Variants in FRMD8 observed in about 807,000 individuals in gnomAD.
The protein encoded by FRMD8 is FERM domain-containing protein 8.
Under a neutral mutation model 54.2 loss-of-function variants are expected in FRMD8, and 37 were observed. That is an observed-to-expected ratio of 0.68 (90% CI 0.53 to 0.90). FRMD8 has a LOEUF of 0.90. Among genes scored for constraint, FRMD8 ranks in the 40% least tolerant of loss-of-function variants. The pLI is 0.00. For synonymous variants in FRMD8, 246 were observed against 286.9 expected (o/e 0.86, Z 1.44); for missense variants, 585 against 653.7 (o/e 0.89, Z 1.15).
At chr11:65,389,975 C>T (rs1036049958) in intron 3 of FRMD8, among the ~76,000 whole-genome samples, 4 of 152,244 alleles carry the variant, frequency 2.6e-5, no homozygotes, top group African/African-American at 9.6e-5. Flanking sequence ...AGGAGCAAGA[C>T]AGACCCAGGC....
rs1016788169 is a variant in FRMD8, at chr11:65,412,726, C to T, written c.*1366C>T. 1 of 152,252 alleles carries T rather than the reference C, an allele frequency of 6.6e-6. No homozygotes were observed. Among genetic ancestry groups the T allele is most frequent in the Non-Finnish European group, 1.5e-5 (1 of 68,042 alleles). The allele number at this position is 152,252 out of a possible 1,614,324, so 9.4% of individuals were successfully genotyped here. On this transcript the variant is annotated 3_prime_UTR_variant, in exon 11 of 11. Transcript: ENST00000317568. ...CCAAGTATCAGAGCCTGTTCACCCTCCTCCCTTTGGTAGCTTGTGAATGTG... is the reference window on the plus strand; with the variant it reads ...CCAAGTATCAGAGCCTGTTCACCCTTCTCCCTTTGGTAGCTTGTGAATGTG...
chr11:65,396,943 C>A lies in FRMD8; in HGVS notation c.726C>A (p.Ser242Arg). Residue 242 changes from serine (S) to arginine (R), a missense_variant, in exon 7 of 11, where the codon AGC becomes AGA. By Grantham distance (110) the Ser-to-Arg change is moderately radical (BLOSUM62 -1). Transcript: ENST00000317568. ...NAYRQVQEVS[S>R]DGGCEAALGT... ...ACCGCCAGGTGCAGGAGGTCAGCAG[C>A]GACGGCGGGTGCGAGGCCGCCCTGG... 6.5e-7 allele frequency: 1 copy of A among 1,531,926 alleles called. No individual in the cohort carries two copies. Among genetic ancestry groups the A allele is most frequent in the East Asian group, 2.5e-5 (1 of 39,402 alleles). 94.9% of individuals were successfully genotyped at this position (1,531,926 alleles called of 1,614,324 possible). A position where few individuals can be genotyped will look rare whatever the true frequency, so the allele number is the denominator to read the frequency against.
At position 65,413,196 on chromosome 11, in the gene FRMD8, T is replaced by A. The variant is rs1412204012; in HGVS notation, c.*1836T>A. The A allele has an allele frequency of 1.3e-5, 2 of 151,628 alleles. No individual in the cohort carries two copies. Among genetic ancestry groups the A allele is most frequent in the African/African-American group, 4.9e-5 (2 of 41,172 alleles). The allele number at this position is 151,628 out of a possible 1,614,324, so 9.4% of individuals were successfully genotyped here. ...TAGAGATAGGGTTTCACCATGTTGGTCAGGCTGGTCGTGAACTCCTGACCT... is the reference window on the plus strand; with the variant it reads ...TAGAGATAGGGTTTCACCATGTTGGACAGGCTGGTCGTGAACTCCTGACCT... On this transcript the variant is annotated 3_prime_UTR_variant, in exon 11 of 11. Coordinates refer to ENST00000317568, the MANE Select transcript of FRMD8 (RefSeq NM_031904.5).
the FRMD8 span, among the ~76,000 whole-genome samples, chr11:65,374,372 A>G: frequency 8.2e-6 from 1 of 122,266 alleles, no homozygotes; most frequent in Admixed American, 8.2e-5. Context: ...GTAACTGGAC[A>G]CTGCGGCTGG....
Position 65,400,045 on chromosome 11 carries a change from T to C in FRMD8, c.927+186T>C, listed in dbSNP as rs1856039336. 3.0e-6 allele frequency: 2 copies of C among 672,224 alleles called. No individual in the cohort carries two copies. The highest frequency in any genetic ancestry group is 4.7e-6 in the Non-Finnish European group (2 of 422,286). 41.6% of individuals were successfully genotyped at this position (672,224 alleles called of 1,614,324 possible). ...TCCTGGGTCCTCTTGCCCAACATGC[T>C]AGGCTGTGGGGTGGCCGGGGCAGGG... On this transcript the variant is annotated intron_variant, in intron 8 of 10. Coordinates refer to ENST00000317568, the MANE Select transcript of FRMD8 (RefSeq NM_031904.5). This position sits in a 1 kb window ranked among gnomAD's most constrained non-coding sequence, Gnocchi z 4.3.
At position 65,400,875 on chromosome 11, in the gene FRMD8, G is replaced by A. The variant is rs763888120; in HGVS notation, c.1071+8G>A. 1.4e-5 allele frequency: 22 copies of A among 1,594,404 alleles called. No homozygotes were observed. The highest frequency in any genetic ancestry group is 5.4e-5 in the African/African-American group (4 of 74,460). On this transcript the variant is annotated splice_region_variant and intron_variant, in intron 9 of 10. Coordinates refer to ENST00000317568, the MANE Select transcript of FRMD8 (RefSeq NM_031904.5). This position sits in a 1 kb window ranked among gnomAD's most constrained non-coding sequence, Gnocchi z 4.3. ...AAGATCTACTCCAAGCAGGTAGCGC[G>A]GGTGGTGCCTGCACACGGGTGGGGA...
Position 65,412,654 on chromosome 11 carries a change from T to C in FRMD8, c.*1294T>C, listed in dbSNP as rs1856361759. The stretch of plus-strand genomic sequence containing the variant: ...TGGCTGCACAGGGCTTGGCTTTGTC[T>C]TCGTTCCCGGTGGAAAACCGTGGGA... On this transcript the variant is annotated 3_prime_UTR_variant, in exon 11 of 11. Transcript: ENST00000317568. The C allele has an allele frequency of 6.6e-6, 1 of 152,252 alleles. No individual in the cohort carries two copies. Among genetic ancestry groups the C allele is most frequent in the Admixed American group, 6.5e-5 (1 of 15,282 alleles). 9.4% of individuals were successfully genotyped at this position (152,252 alleles called of 1,614,324 possible).
chr11:65,391,015 A>G (rs1855834591), intron 3 of FRMD8, among the ~76,000 whole-genome samples: 1 of 151,964 alleles, frequency 6.6e-6, no homozygotes, highest in African/African-American at 2.4e-5. Context: ...CCCCCCCAGA[A>G]CCCTTTTCCC....
the FRMD8 span, among the ~76,000 whole-genome samples, chr11:65,374,822 C>A: frequency 1.3e-5 from 2 of 151,892 alleles, no homozygotes; most frequent in Non-Finnish European, 2.9e-5. Context: ...TAAAAATTAG[C>A]CAGGTGCGGT....
At chr11:65,377,097 G>T in the FRMD8 span, 1 of 1,606,210 alleles carries the variant, frequency 6.2e-7, no homozygotes, top group South Asian at 1.1e-5. Context: ...TGAAACATGA[G>T]GGCCCCGGGT....
At position 65,389,465 on chromosome 11, in the gene FRMD8, G is replaced by A. The variant is rs1855799132; in HGVS notation, c.190G>A (p.Val64Ile). ...AHELHRAVRE[V>I]LQLPDIALDV... is the part of the protein sequence containing the mutation. The stretch of plus-strand genomic sequence containing the variant: ...TGAGCTGCACCGCGCTGTCCGCGAG[G>A]TCCTGCAGCTTCCAGACATCGCCCT... Residue 64 changes from valine to isoleucine, a missense_variant, in exon 3 of 11, where the codon GTC becomes ATC. Coordinates refer to ENST00000317568, the MANE Select transcript of FRMD8 (RefSeq NM_031904.5). 6 of 1,609,252 alleles carry A rather than the reference G, an allele frequency of 3.7e-6. No homozygotes were observed. Among genetic ancestry groups the A allele is most frequent in the Non-Finnish European group, 5.1e-6 (6 of 1,179,952 alleles).
At chr11:65,394,186 GC>G in intron 5 of FRMD8, 72 bp from the exon 6 acceptor site, 1 of 1,597,048 alleles carries the variant, frequency 6.3e-7, no homozygotes, top group Non-Finnish European at 8.5e-7. Context: ...TTCGCACCTT[GC>G]CCCAGCCCAA....
upstream of FRMD8, chr11:65,382,581 G>C (rs994524878): frequency 6.4e-6 from 1 of 155,134 alleles, no homozygotes; most frequent in South Asian, 1.9e-4. The surrounding 1 kb of genome is among the most constrained non-coding windows in gnomAD (Gnocchi z 4.4). Context: ...CCTTCCCAGG[G>C]GAAAGATAGG....
chr11:65,395,260 A>G (rs1490878613), intron 6 of FRMD8, among the ~76,000 whole-genome samples: 2 of 143,816 alleles, frequency 1.4e-5, no homozygotes. Flanking sequence ...AAAAAAAAAA[A>G]TGCCGGGTGC....
intron 2 of FRMD8, among the ~76,000 whole-genome samples, chr11:65,387,436 G>T (rs575670369): frequency 1.3e-5 from 2 of 152,304 alleles, no homozygotes; most frequent in East Asian, 3.9e-4. Context: ...AGGCCAAGGT[G>T]GGCAGACCAC....
At chr11:65,387,443 C>G (rs1423146366) in intron 2 of FRMD8, among the ~76,000 whole-genome samples, 1 of 151,864 alleles carries the variant, frequency 6.6e-6, no homozygotes, top group Non-Finnish European at 1.5e-5. Flanking sequence ...GGTGGGCAGA[C>G]CACATGTGCC....
In FRMD8 at chr11:65,393,271, A is replaced by G. The variant is rs7104978; in HGVS notation, c.254-302A>G. Among the ~76,000 whole-genome samples, 689 of 152,324 alleles carry G rather than the reference A, an allele frequency of 4.5e-3. 7 individuals are homozygous for G. Among genetic ancestry groups the G allele is most frequent in the African/African-American group, 0.015 (638 of 41,580 alleles). On this transcript the variant is annotated intron_variant, in intron 3 of 10. Coordinates refer to ENST00000317568, the MANE Select transcript of FRMD8 (RefSeq NM_031904.5). ...TGTGCCCCAGCACCTTCCATTGGCCAGTCTCCAGTTTCAGCTTGCCGTGGG... is the reference window on the plus strand; with the variant it reads ...TGTGCCCCAGCACCTTCCATTGGCCGGTCTCCAGTTTCAGCTTGCCGTGGG...
chr11:65,409,286 C>A (rs956367387), intron 10 of FRMD8, among the ~76,000 whole-genome samples: 1 of 151,650 alleles, frequency 6.6e-6, no homozygotes, highest in East Asian at 2.0e-4. Flanking sequence ...AGGGTTTCGC[C>A]ATGTTGGCCA....
At chr11:65,379,141 T>C in the FRMD8 span, 2 of 541,776 alleles carry the variant, frequency 3.7e-6, no homozygotes, top group Non-Finnish European at 6.5e-6. Context: ...CCCAGGCTGC[T>C]TCTCCCAGCA....
Sources: allele counts gnomAD v4.1 joint callset (sites outside exome capture counted in the v4.1 genomes callset), GRCh38; gene constraint gnomAD v4.1.1; non-coding constraint Gnocchi (gnomAD v3.1); transcripts MANE v1.5; gene names NCBI Gene and HGNC (gene_info 2026-07-23, HGNC 2026-07-21).